Variants in UBE2Q1 observed in about 807,000 individuals in gnomAD.
UBE2Q1 encodes the protein ubiquitin-conjugating enzyme E2 Q1.
A neutral mutation model predicts 60.1 loss-of-function variants in UBE2Q1; 6 were observed. The observed-to-expected ratio is 0.10, with a 90% confidence interval of 0.05 to 0.20. UBE2Q1 has a LOEUF of 0.20. Among genes scored for constraint, UBE2Q1 ranks in the 10% least tolerant of loss-of-function variants. The probability of loss-of-function intolerance (pLI) is 1.00; values close to 1 mark genes in which losing one functional copy is unlikely to be tolerated. For synonymous variants in UBE2Q1, 226 were observed against 208.3 expected (o/e 1.09, Z -0.73); for missense variants, 262 against 525.8 (o/e 0.50, Z 4.91).
Position 154,549,111 on chromosome 1 carries a change from T to G in UBE2Q1, c.*1327A>C, listed in dbSNP as rs780105858. The G allele has an allele frequency of 6.6e-6, 1 of 152,230 alleles. No homozygotes were observed. Among genetic ancestry groups the G allele is most frequent in the Non-Finnish European group, 1.5e-5 (1 of 68,040 alleles). The allele number at this position is 152,230 out of a possible 1,614,324, so 9.4% of individuals were successfully genotyped here. On this transcript the variant is annotated 3_prime_UTR_variant, in exon 13 of 13. Transcript: ENST00000292211. ...TGAGAGCTGCTGGCATCGTAGGTCCTAAGAGGCTGAGTCCCAGAGCAAGCT... is the reference window on the plus strand; with the variant it reads ...TGAGAGCTGCTGGCATCGTAGGTCCGAAGAGGCTGAGTCCCAGAGCAAGCT...
Position 154,549,627 on chromosome 1 carries a change from C to A in UBE2Q1, c.*811G>T, listed in dbSNP as rs539588895. On this transcript the variant is annotated 3_prime_UTR_variant, in exon 13 of 13. Coordinates refer to ENST00000292211, the MANE Select transcript of UBE2Q1 (RefSeq NM_017582.7). ...CTCAATTCATTCAAAAGGAATTCTACGAAGCAGCCTCTTGAGCCTCATTTT... is the reference window on the plus strand; with the variant it reads ...CTCAATTCATTCAAAAGGAATTCTAAGAAGCAGCCTCTTGAGCCTCATTTT... 1 of 152,664 alleles carries A rather than the reference C, an allele frequency of 6.6e-6. No individual in the cohort carries two copies. Among genetic ancestry groups the A allele is most frequent in the African/African-American group, 2.4e-5 (1 of 41,446 alleles). 9.5% of individuals were successfully genotyped at this position (152,664 alleles called of 1,614,324 possible). A position where few individuals can be genotyped will look rare whatever the true frequency, so the allele number is the denominator to read the frequency against.
chr1:154,553,841 C>A (rs1695837735), intron 4 of UBE2Q1, among the ~76,000 whole-genome samples: 1 of 152,250 alleles, frequency 6.6e-6, no homozygotes, highest in Non-Finnish European at 1.5e-5. Context: ...TTGAGCCCCT[C>A]AGCCAGATGT....
In UBE2Q1 at chr1:154,558,236, G is replaced by A; in HGVS notation, c.318C>T (p.Cys106=). The A allele has an allele frequency of 6.5e-7, 1 of 1,546,822 alleles. No individual in the cohort carries two copies. Among genetic ancestry groups the A allele is most frequent in the Non-Finnish European group, 8.7e-7 (1 of 1,148,570 alleles). ...SVPGDPVRIH[C]NITESYPAVP... ...GCGAGGGGGTCCTCACCGTGATGTT[G>A]CAGTGGATGCGGACAGGATCCCCAG... The change falls in exon 1 of 13, where the codon TGC becomes TGT. Residue 106 remains cysteine, a synonymous_variant. Coordinates refer to ENST00000292211, the MANE Select transcript of UBE2Q1 (RefSeq NM_017582.7).
rs1485553574 is a variant in UBE2Q1 at position 154,558,522 on chromosome 1, TGCTGCTGCCCCTGCGGCTGCG to T, written c.11_31del (p.Pro4_Gln10del). On this transcript the variant is annotated inframe_deletion, in exon 1 of 13. Transcript: ENST00000292211. ...CCCCAGCTGCTGCCCCGGCCCCGGC[TGCTGCTGCCCCTGCGGCTGCG>T]GCTGCTGCATCCTCCGCTCCGCTCC... The T allele has an allele frequency of 3.6e-6, 4 of 1,099,910 alleles. No individual in the cohort carries two copies. The highest frequency in any genetic ancestry group is 4.3e-6 in the Non-Finnish European group (4 of 922,308). The allele number at this position is 1,099,910 out of a possible 1,614,324, so 68.1% of individuals were successfully genotyped here. A position where few individuals can be genotyped will look rare whatever the true frequency, so the allele number is the denominator to read the frequency against.
In UBE2Q1 at chr1:154,550,181, A is replaced by G; in HGVS notation, c.*257T>C. The G allele has an allele frequency of 2.1e-6, 1 of 470,134 alleles. No homozygotes were observed. The highest frequency in any genetic ancestry group is 3.8e-6 in the Non-Finnish European group (1 of 264,354). 29.1% of individuals were successfully genotyped at this position (470,134 alleles called of 1,614,324 possible). On this transcript the variant is annotated 3_prime_UTR_variant, in exon 13 of 13. Coordinates refer to ENST00000292211, the MANE Select transcript of UBE2Q1 (RefSeq NM_017582.7). Reference sequence around the variant, plus strand: ...AAGGAGGCTCGAAAGTTTCTTTTATAAGAATGCCTGCTAGCAAGGGTTCCA... The same window carrying G: ...AAGGAGGCTCGAAAGTTTCTTTTATGAGAATGCCTGCTAGCAAGGGTTCCA...
chr1:154,552,621 C>T, intron 6 of UBE2Q1, 115 bp downstream of exon 6: 1 of 1,443,090 alleles, frequency 6.9e-7, no homozygotes, highest in Non-Finnish European at 9.5e-7. Flanking sequence ...GAGCTCCATT[C>T]TTGGCCTGAA....
chr1:154,555,650 C>T, intron 2 of UBE2Q1, 118 bp from the exon 3 acceptor site: 1 of 1,035,730 alleles, frequency 9.7e-7, no homozygotes, highest in Admixed American at 2.0e-5. Context: ...GCCTTATGGG[C>T]CACGTGGCTG....
In UBE2Q1 at chr1:154,555,527, C is replaced by T. The variant is rs1186962762; in HGVS notation, c.438G>A (p.Leu146=). Residue 146 remains leucine (L), a synonymous_variant, in exon 3 of 13, where the codon TTG becomes TTA. Transcript: ENST00000292211. ...VDIKKGNTLL[L]QHLKRIISDL... is the part of the protein sequence containing the mutation. Reference sequence around the variant, plus strand: ...CGGAGATGATCCTCTTCAGATGCTGCAATAGCTACAGGTAGGGGAGCACAG... The same window carrying T: ...CGGAGATGATCCTCTTCAGATGCTGTAATAGCTACAGGTAGGGGAGCACAG... The T allele has an allele frequency of 6.2e-7, 1 of 1,613,890 alleles. No individual in the cohort carries two copies. Among genetic ancestry groups the T allele is most frequent in the East Asian group, 2.2e-5 (1 of 44,866 alleles).
chr1:154,555,547 GCA>G lies in UBE2Q1; in HGVS notation c.433-17_433-16del, dbSNP rs1695868048. 6.8e-6 allele frequency: 11 copies of G among 1,609,144 alleles called. No homozygotes were observed. The highest frequency in any genetic ancestry group is 2.2e-5 in the East Asian group (1 of 44,876). ...TGCTGCAATAGCTACAGGTAGGGGA[GCA>G]CAGAGACATCAAATCCTTCCCCACT... On this transcript the variant is annotated splice_polypyrimidine_tract_variant and intron_variant, in intron 2 of 12. Transcript: ENST00000292211.
rs760203350 is a variant in UBE2Q1 at position 154,554,796 on chromosome 1, G to A, written c.538-11C>T. 3.1e-6 allele frequency: 5 copies of A among 1,612,684 alleles called. No individual in the cohort carries two copies. The highest frequency in any genetic ancestry group is 2.2e-5 in the East Asian group (1 of 44,854). ...GTCTTCCTGTGTGCACTGCAGCAAG[G>A]AAGGGAAAGATGGAGATCAGAGCCC... On this transcript the variant is annotated splice_polypyrimidine_tract_variant and intron_variant, in intron 3 of 12. Transcript: ENST00000292211.
At chr1:154,550,496 G>C in intron 12 of UBE2Q1, 27 bp from the exon 13 acceptor site, 1 of 1,613,732 alleles carries the variant, frequency 6.2e-7, no homozygotes, top group Middle Eastern at 1.7e-4. Context: ...TGGTCAGTGA[G>C]GTGAAGGTTC....
chr1:154,552,135 C>T lies in UBE2Q1; in HGVS notation c.924G>A (p.Glu308=), dbSNP rs750435924. The change falls in exon 8 of 13, where the codon GAG becomes GAA. Residue 308 remains glutamate (E), a synonymous_variant. Transcript: ENST00000292211. ...GTAGAATGAAGTCGGCTCCTTCTTT[C>T]TCTTTGAGGATCTGGAGATCGTTGT... is the stretch of plus-strand genomic sequence containing the variant. ...ALHNDLQILK[E]KEGADFILLN... 13 of 1,614,262 alleles carry T rather than the reference C, an allele frequency of 8.1e-6. 1 individual carries two copies. In the South Asian group the frequency reaches 1.3e-4, roughly 16 times the overall value.
rs987077491 is a variant in UBE2Q1, at chr1:154,558,455, CCCCCCTGGGCCG to C, written c.87_98del (p.Gly33_Gly36del). ...TCAGGCAGGGCCCCGGCCCCGGGCC[CCCCCCTGGGCCG>C]CCCCCGGCCCCCGGCGCCGCCCCCT... On this transcript the variant is annotated inframe_deletion, in exon 1 of 13. Coordinates refer to ENST00000292211, the MANE Select transcript of UBE2Q1 (RefSeq NM_017582.7). 71 of 1,387,722 alleles carry C rather than the reference CCCCCCTGGGCCG, an allele frequency of 5.1e-5. No homozygotes were observed. In the African/African-American group the frequency reaches 9.7e-4, roughly 19 times the overall value. 86.0% of individuals were successfully genotyped at this position (1,387,722 alleles called of 1,614,324 possible). A position where few individuals can be genotyped will look rare whatever the true frequency, so the allele number is the denominator to read the frequency against.
chr1:154,549,645 C>T lies in UBE2Q1; in HGVS notation c.*793G>A, dbSNP rs1200095215. 2.0e-5 allele frequency: 3 copies of T among 152,810 alleles called. No homozygotes were observed. The highest frequency in any genetic ancestry group is 7.2e-5 in the African/African-American group (3 of 41,584). The allele number at this position is 152,810 out of a possible 1,614,324, so 9.5% of individuals were successfully genotyped here. On this transcript the variant is annotated 3_prime_UTR_variant, in exon 13 of 13. Transcript: ENST00000292211. ...AATTCTACGAAGCAGCCTCTTGAGC[C>T]TCATTTTCTTTTTCTTAGAAATTTG...
Position 154,551,424 on chromosome 1 carries a change from T to C in UBE2Q1, c.1143A>G (p.Lys381=). ...MQISATLVKG[K]ARVQFGANKS... ...TGTTGGCTCCAAACTGCACTCGTGCTTTCCCCTTCACCAGTGTGGCACTGA... is the reference window on the plus strand; with the variant it reads ...TGTTGGCTCCAAACTGCACTCGTGCCTTCCCCTTCACCAGTGTGGCACTGA... The change falls in exon 11 of 13, where the codon AAA becomes AAG. Residue 381 remains lysine (K), a synonymous_variant. Transcript: ENST00000292211. The C allele has an allele frequency of 6.2e-7, 1 of 1,614,154 alleles. No homozygotes were observed. Among genetic ancestry groups the C allele is most frequent in the African/African-American group, 1.3e-5 (1 of 75,064 alleles).
chr1:154,556,331 A>G (rs1268284079), intron 1 of UBE2Q1, among the ~76,000 whole-genome samples: 2 of 152,168 alleles, frequency 1.3e-5, no homozygotes, highest in Non-Finnish European at 2.9e-5. Flanking sequence ...TGGACCCAGA[A>G]CAGTCCTCCA....
Position 154,550,221 on chromosome 1 carries a change from T to A in UBE2Q1, c.*217A>T, listed in dbSNP as rs148769170. The A allele has an allele frequency of 1.8e-6, 1 of 570,432 alleles. No homozygotes were observed. The highest frequency in any genetic ancestry group is 1.9e-5 in the African/African-American group (1 of 52,650). The allele number at this position is 570,432 out of a possible 1,614,324, so 35.3% of individuals were successfully genotyped here. On this transcript the variant is annotated 3_prime_UTR_variant, in exon 13 of 13. Coordinates refer to ENST00000292211, the MANE Select transcript of UBE2Q1 (RefSeq NM_017582.7). ...CAAGGGTTCCAGCAAGGTGGTTGGT[T>A]GGTCTGTAAGTCAGTCTTGAGTACT...
At chr1:154,553,590 G>C (rs1359125056) in intron 4 of UBE2Q1, 1 of 163,556 alleles carries the variant, frequency 6.1e-6, no homozygotes, top group African/African-American at 2.4e-5. Context: ...TTGCACCCGG[G>C]AGTTCTCAGG....
chr1:154,556,892 C>A (rs1343544241), intron 1 of UBE2Q1, among the ~76,000 whole-genome samples: 1 of 152,212 alleles, frequency 6.6e-6, no homozygotes, highest in East Asian at 1.9e-4. Context: ...GAGGTTCCCA[C>A]ACAAGCCAGG....
Sources: allele counts gnomAD v4.1 joint callset (sites outside exome capture counted in the v4.1 genomes callset), GRCh38; gene constraint gnomAD v4.1.1; transcripts MANE v1.5; gene names NCBI Gene and HGNC (gene_info 2026-07-23, HGNC 2026-07-21).